CACNA2D4: variants seen among roughly 807,000 people sequenced by gnomAD.
The protein encoded by CACNA2D4 is calcium voltage-gated channel auxiliary subunit alpha2delta 4, also known as voltage-dependent calcium channel subunit alpha-2/delta-4.
Under a neutral mutation model 163.8 loss-of-function variants are expected in CACNA2D4, and 157 were observed. That is an observed-to-expected ratio of 0.96 (90% CI 0.84 to 1.09). The LOEUF (loss-of-function observed/expected upper bound fraction) is 1.09, where lower values mean the gene tolerates loss of function less well. Among genes scored for constraint, CACNA2D4 ranks in the 50% least tolerant of loss-of-function variants. The pLI is 0.00. For missense variants in CACNA2D4, 1,410 were observed against 1,479.9 expected (o/e 0.95, Z 0.78); for synonymous variants, 598 against 586.9 (o/e 1.02, Z -0.27).
rs1867059669 is a variant in CACNA2D4 at position 1,918,606 on chromosome 12, A to G, written c.-133T>C. 4 of 666,576 alleles carry G rather than the reference A, an allele frequency of 6.0e-6. No individual in the cohort carries two copies. The African/African-American group carries it at 7.4e-5, about 12-fold the overall frequency. The allele number at this position is 666,576 out of a possible 1,614,324, so 41.3% of individuals were successfully genotyped here. On this transcript the variant is annotated 5_prime_UTR_variant, in exon 1 of 38. Transcript: ENST00000382722. ...TCTCTCTGCCCCACAGCTGCAGCTC[A>G]CAGAAGAGTCGCCCCACCTAGCAAG...
intron 22 of CACNA2D4, among the ~76,000 whole-genome samples, chr12:1,854,978 A>AC (rs57341184): frequency 0.14 from 20,704 of 151,864 alleles, 1,807 homozygotes; most frequent in East Asian, 0.43. Context: ...TATTTTTATC[A>AC]CCCCCCAAAG....
chr12:1,805,408 T>C (rs1207564956), intron 29 of CACNA2D4, among the ~76,000 whole-genome samples: 1 of 152,158 alleles, frequency 6.6e-6, no homozygotes, highest in Non-Finnish European at 1.5e-5. Flanking sequence ...AAATGTCCCA[T>C]GGCCTCCTTA....
intron 26 of CACNA2D4, among the ~76,000 whole-genome samples, chr12:1,822,375 A>G (rs2154446455): frequency 6.6e-6 from 1 of 152,220 alleles, no homozygotes; most frequent in South Asian, 2.1e-4. Flanking sequence ...GAAAGGAGCC[A>G]GCATAGAGGC....
At chr12:1,825,843 C>T (rs992040645) in intron 26 of CACNA2D4, among the ~76,000 whole-genome samples, 25 of 152,188 alleles carry the variant, frequency 1.6e-4, no homozygotes, top group Middle Eastern at 3.4e-3. Context: ...AATCCAGTCC[C>T]GGACTTACCA....
intron 29 of CACNA2D4, among the ~76,000 whole-genome samples, chr12:1,803,796 G>C (rs1181803787): frequency 6.6e-6 from 1 of 152,168 alleles, no homozygotes; most frequent in Non-Finnish European, 1.5e-5. Context: ...AAATGGACAC[G>C]AATCAAGAGC....
At chr12:1,857,190 G>A (rs921581923) in intron 20 of CACNA2D4, among the ~76,000 whole-genome samples, 2 of 152,224 alleles carry the variant, frequency 1.3e-5, no homozygotes, top group African/African-American at 2.4e-5. Context: ...TGCTGTGGAA[G>A]GGCAGACACA....
chr12:1,908,092 G>A, intron 4 of CACNA2D4, 55 bp from the exon 5 acceptor site: 1 of 1,541,072 alleles, frequency 6.5e-7, no homozygotes, highest in Non-Finnish European at 8.8e-7. Flanking sequence ...GACAGGCGGA[G>A]AGAGAGGAAG....
Position 1,885,900 on chromosome 12 carries a change from G to A in CACNA2D4, c.1068+65C>T. The A allele has an allele frequency of 7.5e-6, 9 of 1,197,602 alleles. No individual in the cohort carries two copies. The South Asian group carries it at 1.2e-4, about 15-fold the overall frequency. 74.2% of individuals were successfully genotyped at this position (1,197,602 alleles called of 1,614,324 possible). ...AAGGGCCACAGAAACAGTCTACAGA[G>A]ACAACCGCCCACCATCCAGACAAGA... On this transcript the variant is annotated intron_variant, in intron 9 of 37. Coordinates refer to ENST00000382722, the MANE Select transcript of CACNA2D4 (RefSeq NM_172364.5).
intron 26 of CACNA2D4, among the ~76,000 whole-genome samples, chr12:1,814,490 G>A (rs1237159297): frequency 6.6e-6 from 1 of 152,182 alleles, no homozygotes; most frequent in Non-Finnish European, 1.5e-5. Context: ...AGACAAAAAA[G>A]TTCTGCAAGT....
intron 29 of CACNA2D4, chr12:1,809,445 T>C: frequency 1.5e-6 from 1 of 677,914 alleles, no homozygotes; most frequent in Non-Finnish European, 2.7e-6. Flanking sequence ...TATGCCCCTT[T>C]CCCCGAGGCT....
intron 26 of CACNA2D4, among the ~76,000 whole-genome samples, chr12:1,811,949 C>T (rs994473994): frequency 2.6e-5 from 4 of 152,046 alleles, no homozygotes; most frequent in South Asian, 2.1e-4. Flanking sequence ...GGAAGAAGAG[C>T]GACAGAAAAT....
chr12:1,849,304 A>G (rs1403026725), intron 23 of CACNA2D4, among the ~76,000 whole-genome samples: 1 of 152,188 alleles, frequency 6.6e-6, no homozygotes. Flanking sequence ...GATTTTTGAA[A>G]TTTGCATATC....
At chr12:1,830,729 A>G (rs908439541) in intron 26 of CACNA2D4, among the ~76,000 whole-genome samples, 3 of 152,216 alleles carry the variant, frequency 2.0e-5, no homozygotes, top group African/African-American at 7.2e-5. Flanking sequence ...CCCTGCAGAC[A>G]CTGTGTGATG....
In CACNA2D4 at chr12:1,828,745, G is replaced by A. The variant is rs529678086; in HGVS notation, c.2551+11994C>T. Among the ~76,000 whole-genome samples, 42 of 152,344 alleles carry A rather than the reference G, an allele frequency of 2.8e-4. No homozygotes were observed. In the East Asian group the frequency reaches 2.9e-3, roughly 11 times the overall value. On this transcript the variant is annotated intron_variant, in intron 26 of 37. Coordinates refer to ENST00000382722, the MANE Select transcript of CACNA2D4 (RefSeq NM_172364.5). This position sits in a 1 kb window ranked among gnomAD's most constrained non-coding sequence, Gnocchi z 4.2. The stretch of plus-strand genomic sequence containing the variant: ...ACCTAGTGGGCTCGTGGGATGCGGC[G>A]CTGGAAGAGACTTTGGGGAGTGGGT...
intron 26 of CACNA2D4, chr12:1,827,561 C>A (rs557250607): frequency 6.5e-6 from 1 of 153,028 alleles, no homozygotes; most frequent in African/African-American, 2.4e-5. Flanking sequence ...GCTGCAGCTG[C>A]CAAGGGCCTG....
chr12:1,801,116 A>T lies in CACNA2D4; in HGVS notation c.2795T>A (p.Val932Glu). 6.2e-7 allele frequency: 1 copy of T among 1,613,586 alleles called. No individual in the cohort carries two copies. The highest frequency in any genetic ancestry group is 8.5e-7 in the Non-Finnish European group (1 of 1,179,724). ...CATGGCCTGATAGTCATACATAGTC[A>T]CTCTGAAAATCAGAAGCGGGCTGTG... Reference protein sequence around the residue: ...QLLSMGVFSQVTMYDYQAMCK... With the variant: ...QLLSMGVFSQETMYDYQAMCK... Residue 932 changes from valine to glutamate, a missense_variant and splice_region_variant, in exon 31 of 38, where the codon GTG becomes GAG. Physicochemically the swap from Val to Glu is moderately radical, Grantham distance 121. Coordinates refer to ENST00000382722, the MANE Select transcript of CACNA2D4 (RefSeq NM_172364.5).
rs1291688238 is a variant in CACNA2D4, at chr12:1,834,388, T to A, written c.2551+6351A>T. 2.5e-6 allele frequency: 4 copies of A among 1,613,036 alleles called. No individual in the cohort carries two copies. The highest frequency in any genetic ancestry group is 1.7e-5 in the Admixed American group (1 of 59,996). On this transcript the variant is annotated intron_variant, in intron 26 of 37. Transcript: ENST00000382722. This position sits in a 1 kb window ranked among gnomAD's most constrained non-coding sequence, Gnocchi z 7.6. ...AGCTGGAGGACGAGAATAGCTCAGC[T>A]GGGCTGGATATTCCTGGGCCACCCT...
At chr12:1,904,180 C>A (rs564815655) in intron 6 of CACNA2D4, among the ~76,000 whole-genome samples, 2 of 151,678 alleles carry the variant, frequency 1.3e-5, no homozygotes. Context: ...ACAACTGAAC[C>A]CATAGAGATA....
chr12:1,799,568 C>T lies in CACNA2D4; in HGVS notation c.2995+107G>A. The T allele has an allele frequency of 1.6e-6, 2 of 1,221,324 alleles. No homozygotes were observed. Among genetic ancestry groups the T allele is most frequent in the Non-Finnish European group, 2.3e-6 (2 of 852,456 alleles). The allele number at this position is 1,221,324 out of a possible 1,614,324, so 75.7% of individuals were successfully genotyped here. A position where few individuals can be genotyped will look rare whatever the true frequency, so the allele number is the denominator to read the frequency against. ...TACTTTAAACCAGGAGAGCTCAGCCCTGCTTGGGGTCATTCCTGGGACAGG... is the reference window on the plus strand; with the variant it reads ...TACTTTAAACCAGGAGAGCTCAGCCTTGCTTGGGGTCATTCCTGGGACAGG... On this transcript the variant is annotated intron_variant, in intron 34 of 37. Coordinates refer to ENST00000382722, the MANE Select transcript of CACNA2D4 (RefSeq NM_172364.5). This position sits in a 1 kb window ranked among gnomAD's most constrained non-coding sequence, Gnocchi z 4.7.
Sources: allele counts gnomAD v4.1 joint callset (sites outside exome capture counted in the v4.1 genomes callset), GRCh38; gene constraint gnomAD v4.1.1; non-coding constraint Gnocchi (gnomAD v3.1); transcripts MANE v1.5; gene names NCBI Gene and HGNC (gene_info 2026-07-23, HGNC 2026-07-21).